Variants in ERF observed in about 807,000 individuals in gnomAD.
ERF encodes the protein ETS domain-containing transcription factor ERF.
ERF carries 10 observed loss-of-function variants against 41.6 expected under a neutral mutation model. The ratio of observed to expected loss-of-function variants is 0.24; its 90% CI spans 0.15 to 0.41. ERF has a LOEUF of 0.41. Ranked by LOEUF, ERF falls within the 10% of genes least tolerant of loss-of-function variation. The probability of loss-of-function intolerance (pLI) is 1.00; values close to 1 mark genes in which losing one functional copy is unlikely to be tolerated. For missense variants in ERF, 621 were observed against 763.2 expected, an observed-to-expected ratio of 0.81 and a Z score of 2.19; for synonymous variants, 395 against 342.4, an observed-to-expected ratio of 1.15 and a Z score of -1.70.
Position 42,248,602 on chromosome 19 carries a change from A to AGCCCCCAGCGGG in ERF, c.1498_1509dup (p.Pro500_Gly503dup). On this transcript the variant is annotated inframe_insertion, in exon 4 of 4. Coordinates refer to ENST00000222329, the MANE Select transcript of ERF (RefSeq NM_006494.4). The surrounding 1 kb of genome is among the most constrained non-coding windows in gnomAD (Gnocchi z 4.2). ...TTCTTGTCCTCACCCTCATCCTCAA[A>AGCCCCCAGCGGG]GCCCCCAGCGGGGCCCCCACCCCCT... 6.3e-7 allele frequency: 1 copy of AGCCCCCAGCGGG among 1,581,590 alleles called. No homozygotes were observed. The highest frequency in any genetic ancestry group is 8.6e-7 in the Non-Finnish European group (1 of 1,162,764).
At chr19:42,254,250 TCCC>T (rs1177853402) in intron 1 of ERF, among the ~76,000 whole-genome samples, 1 of 146,546 alleles carries the variant, frequency 6.8e-6, no homozygotes, top group Admixed American at 6.8e-5. Context: ...CCTCTGCGTC[TCCC>T]CCCACCTTCC....
Position 42,250,675 on chromosome 19 carries a change from T to A in ERF, c.23-110A>T. On this transcript the variant is annotated intron_variant, in intron 1 of 3. Coordinates refer to ENST00000222329, the MANE Select transcript of ERF (RefSeq NM_006494.4). This position sits in a 1 kb window ranked among gnomAD's most constrained non-coding sequence, Gnocchi z 5.1. Reference sequence around the variant, plus strand: ...TGCCTTCAACATGGGGAAATCTGTCTCACCTCAGCCAAGTCAAGATCTGAT... The same window carrying A: ...TGCCTTCAACATGGGGAAATCTGTCACACCTCAGCCAAGTCAAGATCTGAT... 9.7e-7 allele frequency: 1 copy of A among 1,035,830 alleles called. No individual in the cohort carries two copies. The highest frequency in any genetic ancestry group is 1.4e-6 in the Non-Finnish European group (1 of 708,060). The allele number at this position is 1,035,830 out of a possible 1,614,324, so 64.2% of individuals were successfully genotyped here.
chr19:42,249,452 G>C lies in ERF; in HGVS notation c.660C>G (p.Pro220=). 6.3e-7 allele frequency: 1 copy of C among 1,598,294 alleles called. No homozygotes were observed. The highest frequency in any genetic ancestry group is 8.5e-7 in the Non-Finnish European group (1 of 1,173,264). ...GPPDLGAFRG[P]PLARLPHDPG... ...GGTCATGGGGCAGGCGGGCCAGCGG[G>C]GGCCCTCGGAAGGCACCCAGATCCG... Residue 220 remains proline, a synonymous_variant, in exon 4 of 4, where the codon CCC becomes CCG. Transcript: ENST00000222329. This position sits in a 1 kb window ranked among gnomAD's most constrained non-coding sequence, Gnocchi z 8.6.
At chr19:42,253,398 C>T (rs1407245351) in intron 1 of ERF, among the ~76,000 whole-genome samples, 8 of 152,174 alleles carry the variant, frequency 5.3e-5, no homozygotes, top group African/African-American at 1.9e-4. Context: ...GAGGCCATTC[C>T]AGGCCTCCTT....
chr19:42,253,804 G>GAAT, intron 1 of ERF: 1 of 897,614 alleles, frequency 1.1e-6, no homozygotes, highest in Non-Finnish European at 1.3e-6. Context: ...AATGGGGTGG[G>GAAT]GATGGGGTGG....
chr19:42,254,197 T>C (rs1314537425), intron 1 of ERF, among the ~76,000 whole-genome samples: 2 of 146,532 alleles, frequency 1.4e-5, no homozygotes, highest in East Asian at 4.1e-4. Context: ...GACGGCCCGC[T>C]GAAAGAGAAG....
In ERF at chr19:42,250,820, T is replaced by C. The variant is rs1044284452; in HGVS notation, c.23-255A>G. ...GGGAGAAACAGGAAACCGTCGGCGG[T>C]GGGTCCCGGGGCCAGTGCCAGGGGG... is the stretch of plus-strand genomic sequence containing the variant. On this transcript the variant is annotated intron_variant, in intron 1 of 3. Transcript: ENST00000222329. This position sits in a 1 kb window ranked among gnomAD's most constrained non-coding sequence, Gnocchi z 5.1. Among the ~76,000 whole-genome samples, 4 of 149,698 alleles carry C rather than the reference T, an allele frequency of 2.7e-5. No homozygotes were observed. Among genetic ancestry groups the C allele is most frequent in the African/African-American group, 7.4e-5 (3 of 40,506 alleles).
At chr19:42,251,802 A>C (rs2036450592) in intron 1 of ERF, among the ~76,000 whole-genome samples, 1 of 152,172 alleles carries the variant, frequency 6.6e-6, no homozygotes, top group African/African-American at 2.4e-5. Flanking sequence ...CCAGGGAATC[A>C]GTAGTTCCTG....
chr19:42,254,875 G>T, intron 1 of ERF, 103 bp downstream of exon 1: 1 of 1,317,090 alleles, frequency 7.6e-7, no homozygotes, highest in Non-Finnish European at 1.0e-6. Context: ...CCAGAACTGG[G>T]GATCACTCGG....
In ERF at chr19:42,248,709, G is replaced by A. The variant is rs979226353; in HGVS notation, c.1403C>T (p.Pro468Leu). ...RAPPAPPKPE[P>L]GEAPGASQCM... ...CTGGGATGCCCCGGGTGCCTCGCCGGGCTCAGGCTTAGGGGGTGCAGGTGG... is the reference window on the plus strand; with the variant it reads ...CTGGGATGCCCCGGGTGCCTCGCCGAGCTCAGGCTTAGGGGGTGCAGGTGG... Residue 468 changes from proline to leucine, a missense_variant, in exon 4 of 4, where the codon CCC becomes CTC. Pro to Leu is a moderately conservative substitution (Grantham distance 98, BLOSUM62 -3). Transcript: ENST00000222329. The surrounding 1 kb of genome is among the most constrained non-coding windows in gnomAD (Gnocchi z 4.2). 1.9e-6 allele frequency: 3 copies of A among 1,612,600 alleles called. No homozygotes were observed. The African/African-American group carries it at 4.0e-5, about 22-fold the overall frequency.
rs201571647 is a variant in ERF, at chr19:42,254,980, G to C, written c.20C>G (p.Thr7Arg). 3.2e-5 allele frequency: 48 copies of C among 1,484,306 alleles called. No homozygotes were observed. The highest frequency in any genetic ancestry group is 4.1e-5 in the Non-Finnish European group (46 of 1,125,466). 91.9% of individuals were successfully genotyped at this position (1,484,306 alleles called of 1,614,324 possible). Residue 7 changes from threonine to arginine, a missense_variant and splice_region_variant, in exon 1 of 4, where the codon ACA becomes AGA. Thr to Arg is a moderately conservative substitution (Grantham distance 71, BLOSUM62 -1). This residue lies in a region of ERF where 34 missense variants were observed against 56.8 expected (regional missense o/e 0.60). Coordinates refer to ENST00000222329, the MANE Select transcript of ERF (RefSeq NM_006494.4). MKTPAD[T>R]GFAFPDWAYK... ...ACACGTGCTGCCCCCGCCCCCACCT[G>C]TGTCCGCCGGGGTCTTCATGCTGGG...
rs2036376758 is a variant in ERF, at chr19:42,248,695, C to T, written c.1417G>A (p.Gly473Arg). The change falls in exon 4 of 4, where the codon GGG (glycine) becomes AGG (arginine). Residue 473 changes from glycine (G) to arginine (R), a missense_variant. By Grantham distance (125) the Gly-to-Arg change is moderately radical. Around this residue, in one of 3 missense-constraint regions of ERF, gnomAD observed 569 missense variants for 625.5 expected, o/e 0.91. Coordinates refer to ENST00000222329, the MANE Select transcript of ERF (RefSeq NM_006494.4). This position sits in a 1 kb window ranked among gnomAD's most constrained non-coding sequence, Gnocchi z 4.2. Reference protein sequence around the residue: ...PPKPEPGEAPGASQCMPLKLR... With the variant: ...PPKPEPGEAPRASQCMPLKLR... ...TTGAGGGGCATGCACTGGGATGCCC[C>T]GGGTGCCTCGCCGGGCTCAGGCTTA... The T allele has an allele frequency of 1.9e-6, 3 of 1,611,360 alleles. No individual in the cohort carries two copies. Among genetic ancestry groups the T allele is most frequent in the Middle Eastern group, 1.7e-4 (1 of 6,056 alleles).
Position 42,250,052 on chromosome 19 carries a change from T to C in ERF, c.258-110A>G, listed in dbSNP as rs2036418447. On this transcript the variant is annotated intron_variant, in intron 2 of 3. Coordinates refer to ENST00000222329, the MANE Select transcript of ERF (RefSeq NM_006494.4). The surrounding 1 kb of genome is among the most constrained non-coding windows in gnomAD (Gnocchi z 5.1). ...GTTCCCAAAGGCCAACTGAGGAACG[T>C]AGGCCACAAAAGACAAATCAAGTGC... The C allele has an allele frequency of 7.3e-6, 8 of 1,098,058 alleles. No individual in the cohort carries two copies. Among genetic ancestry groups the C allele is most frequent in the Admixed American group, 1.8e-5 (1 of 56,838 alleles). 68.0% of individuals were successfully genotyped at this position (1,098,058 alleles called of 1,614,324 possible).
chr19:42,254,014 G>T, intron 1 of ERF: 1 of 909,516 alleles, frequency 1.1e-6, no homozygotes, highest in Non-Finnish European at 1.3e-6. Context: ...TGCGCGCTCG[G>T]GCGCAAAGTC....
rs1036719588 is a variant in ERF at position 42,248,361 on chromosome 19, G to A, written c.*104C>T. 4.9e-6 allele frequency: 5 copies of A among 1,028,588 alleles called. No homozygotes were observed. The highest frequency in any genetic ancestry group is 5.2e-6 in the Non-Finnish European group (4 of 772,114). 63.7% of individuals were successfully genotyped at this position (1,028,588 alleles called of 1,614,324 possible). ...GTGGGGAGGGAAAAGGGAGGAGGCA[G>A]GGAAGAGACAAGAGAGCTGCCCTCA... On this transcript the variant is annotated 3_prime_UTR_variant, in exon 4 of 4. Transcript: ENST00000222329. This position sits in a 1 kb window ranked among gnomAD's most constrained non-coding sequence, Gnocchi z 4.2.
intron 1 of ERF, chr19:42,254,739 T>C: frequency 2.8e-6 from 1 of 357,054 alleles, no homozygotes; most frequent in Non-Finnish European, 5.1e-6. Context: ...GGGGTCCCGG[T>C]AGGGATACAG....
At position 42,249,387 on chromosome 19, in the gene ERF, G is replaced by C. The variant is rs2036400734; in HGVS notation, c.725C>G (p.Pro242Arg). The C allele has an allele frequency of 6.4e-7, 1 of 1,574,536 alleles. No homozygotes were observed. The highest frequency in any genetic ancestry group is 8.6e-7 in the Non-Finnish European group (1 of 1,160,832). The stretch of plus-strand genomic sequence containing the variant: ...CACAGGGAAGGGGCTGAGGGGTTCA[G>C]GGCCACCCCGAGGCCGGGGATAGAC... Reference protein sequence around the residue: ...FRVYPRPRGGPEPLSPFPVSP... With the variant: ...FRVYPRPRGGREPLSPFPVSP... Residue 242 changes from proline (P) to arginine (R), a missense_variant, in exon 4 of 4, where the codon CCT becomes CGT. Pro to Arg is a moderately radical substitution (Grantham distance 103). Around this residue, in one of 3 missense-constraint regions of ERF, gnomAD observed 569 missense variants for 625.5 expected, o/e 0.91. Transcript: ENST00000222329. The surrounding 1 kb of genome is among the most constrained non-coding windows in gnomAD (Gnocchi z 8.6).
intron 1 of ERF, among the ~76,000 whole-genome samples, chr19:42,253,016 A>T (rs2036470054): frequency 6.6e-6 from 1 of 152,154 alleles, no homozygotes; most frequent in African/African-American, 2.4e-5. Flanking sequence ...TCAGACAGCA[A>T]GGGCTGGGAT....
At position 42,248,546 on chromosome 19, in the gene ERF, C is replaced by G; in HGVS notation, c.1566G>C (p.Gly522=). The part of the protein sequence containing the change: ...KVRGEGPGEA[G]GPLTPRRVSS... ...TCACCCGCCTTGGGGTGAGGGGCCC[C>G]CCAGCCTCCCCAGGCCCCTCCCCAC... The change falls in exon 4 of 4, where the codon GGG becomes GGC. Residue 522 remains glycine, a synonymous_variant. Coordinates refer to ENST00000222329, the MANE Select transcript of ERF (RefSeq NM_006494.4). The surrounding 1 kb of genome is among the most constrained non-coding windows in gnomAD (Gnocchi z 4.2). 1 of 1,552,278 alleles carries G rather than the reference C, an allele frequency of 6.4e-7. No individual in the cohort carries two copies. Among genetic ancestry groups the G allele is most frequent in the Non-Finnish European group, 8.7e-7 (1 of 1,151,022 alleles).
Sources: allele counts gnomAD v4.1 joint callset (sites outside exome capture counted in the v4.1 genomes callset), GRCh38; gene constraint gnomAD v4.1.1; regional missense constraint gnomAD v4.1.1; non-coding constraint Gnocchi (gnomAD v3.1); transcripts MANE v1.5; gene names NCBI Gene and HGNC (gene_info 2026-07-23, HGNC 2026-07-21).